Variants in PLXDC2 observed in about 807,000 individuals in gnomAD.
The protein encoded by PLXDC2 is plexin domain-containing protein 2.
Under a neutral mutation model 68.9 loss-of-function variants are expected in PLXDC2, and 40 were observed. The observed-to-expected ratio is 0.58, with a 90% confidence interval of 0.45 to 0.76. The LOEUF is 0.76. Ranked by LOEUF, PLXDC2 falls within the 30% of genes least tolerant of loss-of-function variation. The probability of loss-of-function intolerance (pLI) is 0.00; values close to 1 mark genes in which losing one functional copy is unlikely to be tolerated. For missense variants in PLXDC2, 644 were observed against 661.9 expected (o/e 0.97, Z 0.30); for synonymous variants, 243 against 234.2 (o/e 1.04, Z -0.34).
chr10:20,012,068 G>C (rs980571467), intron 2 of PLXDC2, among the ~76,000 whole-genome samples: 2 of 152,024 alleles, frequency 1.3e-5, no homozygotes, highest in Non-Finnish European at 2.9e-5. Context: ...GTCAAATATT[G>C]TGACTTAGAT....
At chr10:20,128,263 C>A (rs1833819036) in intron 4 of PLXDC2, among the ~76,000 whole-genome samples, 3 of 152,168 alleles carry the variant, frequency 2.0e-5, no homozygotes, top group Non-Finnish European at 2.9e-5. Flanking sequence ...ATCTCCATAT[C>A]TTTAGTCTAG....
chr10:20,243,844 A>G (rs1008479652), intron 12 of PLXDC2, among the ~76,000 whole-genome samples: 1 of 152,176 alleles, frequency 6.6e-6, no homozygotes, highest in Non-Finnish European at 1.5e-5. Flanking sequence ...GAATCACTTG[A>G]GGTCAGGTAT....
chr10:20,174,238 G>A (rs1456373053), intron 7 of PLXDC2, among the ~76,000 whole-genome samples: 3 of 151,908 alleles, frequency 2.0e-5, no homozygotes, highest in African/African-American at 7.3e-5. Context: ...ACATGGGAAA[G>A]CAATACGTAG....
chr10:20,275,961 G>GTT (rs11393092), intron 13 of PLXDC2, among the ~76,000 whole-genome samples: 2 of 151,708 alleles, frequency 1.3e-5, no homozygotes, highest in South Asian at 2.1e-4. Context: ...GGAAGGGTAG[G>GTT]TTTTTTTGAA....
At chr10:20,277,979 A>G (rs746410332) in intron 13 of PLXDC2, among the ~76,000 whole-genome samples, 8 of 152,186 alleles carry the variant, frequency 5.3e-5, no homozygotes, top group Non-Finnish European at 1.0e-4. Context: ...TTCACTTAAG[A>G]TAATGATCTC....
chr10:19,897,566 G>A (rs968778617), intron 1 of PLXDC2, among the ~76,000 whole-genome samples: 1 of 152,104 alleles, frequency 6.6e-6, no homozygotes, highest in African/African-American at 2.4e-5. Context: ...TTAGTCAAGA[G>A]GGAATTAGGA....
intron 6 of PLXDC2, among the ~76,000 whole-genome samples, chr10:20,154,421 G>C (rs1391323615): frequency 6.6e-6 from 1 of 151,972 alleles, no homozygotes; most frequent in Admixed American, 6.6e-5. Flanking sequence ...AAAATTAGCT[G>C]GGCATGGTGG....
intron 1 of PLXDC2, among the ~76,000 whole-genome samples, chr10:19,925,646 A>C (rs1224041326): frequency 6.6e-6 from 1 of 152,120 alleles, no homozygotes. Flanking sequence ...ATTGGTTGTG[A>C]GAGTAGACTC....
chr10:19,861,122 C>T (rs1031326398), intron 1 of PLXDC2, among the ~76,000 whole-genome samples: 1 of 151,690 alleles, frequency 6.6e-6, no homozygotes, highest in Non-Finnish European at 1.5e-5. Flanking sequence ...GCAACCTCTG[C>T]CTCCCGGGTT....
At chr10:20,226,076 C>G (rs368919103) in intron 12 of PLXDC2, among the ~76,000 whole-genome samples, 120 of 152,258 alleles carry the variant, frequency 7.9e-4, no homozygotes, top group African/African-American at 2.8e-3. Context: ...AGAAGAATAA[C>G]GTATTTTACT....
intron 1 of PLXDC2, among the ~76,000 whole-genome samples, chr10:19,955,074 A>ATTTT (rs750051734): frequency 3.7e-4 from 37 of 99,278 alleles, no homozygotes; most frequent in African/African-American, 9.3e-4. Flanking sequence ...CCTTTCACTG[A>ATTTT]TTTTTTTTTT....
rs542267885 is a variant in PLXDC2 at position 20,285,187 on chromosome 10, C to A, written c.*5368C>A. 6.6e-6 allele frequency: 1 copy of A among 152,050 alleles called. No individual in the cohort carries two copies. Among genetic ancestry groups the A allele is most frequent in the Non-Finnish European group, 1.5e-5 (1 of 68,028 alleles). 9.4% of individuals were successfully genotyped at this position (152,050 alleles called of 1,614,324 possible). ...TATAAGGTTTTTTGGGCAGATAATG[C>A]GAGGTCTGTGGTGTTACCTTTTATA... On this transcript the variant is annotated 3_prime_UTR_variant, in exon 14 of 14. Transcript: ENST00000377252.
In PLXDC2 at chr10:20,283,191, G is replaced by A. The variant is rs917511175; in HGVS notation, c.*3372G>A. The A allele has an allele frequency of 3.3e-4, 50 of 152,134 alleles. No homozygotes were observed. Among genetic ancestry groups the A allele is most frequent in the African/African-American group, 1.2e-3 (49 of 41,436 alleles). 9.4% of individuals were successfully genotyped at this position (152,134 alleles called of 1,614,324 possible). On this transcript the variant is annotated 3_prime_UTR_variant, in exon 14 of 14. Transcript: ENST00000377252. ...TCCAAGCATTTTTGATTTTAGAGAG[G>A]CCCTATGGAGTAATGAAAAAAATAC... is the stretch of plus-strand genomic sequence containing the variant.
At chr10:19,976,205 TG>T (rs1834452205) in intron 1 of PLXDC2, among the ~76,000 whole-genome samples, 1 of 152,068 alleles carries the variant, frequency 6.6e-6, no homozygotes, top group East Asian at 1.9e-4. Context: ...TTTTGTTGTT[TG>T]TTTTTTTGTT....
chr10:19,911,662 T>G (rs546069998), intron 1 of PLXDC2, among the ~76,000 whole-genome samples: 22 of 152,196 alleles, frequency 1.4e-4, no homozygotes, highest in African/African-American at 5.3e-4. Flanking sequence ...TGAAATAACC[T>G]CCCCATTGAA....
At chr10:20,279,556 T>C (rs1836053570) in intron 13 of PLXDC2, 147 bp from the exon 14 acceptor site, 3 of 667,998 alleles carry the variant, frequency 4.5e-6, no homozygotes, top group Non-Finnish European at 7.7e-6. Flanking sequence ...TAAGGGGAAT[T>C]CTTAATTCTG....
At chr10:20,101,169 G>T (rs564451976) in intron 4 of PLXDC2, among the ~76,000 whole-genome samples, 1 of 152,268 alleles carries the variant, frequency 6.6e-6, no homozygotes, top group South Asian at 2.1e-4. Context: ...TGATGTGTGA[G>T]TATAAAGATT....
intron 2 of PLXDC2, among the ~76,000 whole-genome samples, chr10:20,011,474 G>A (rs1835114091): frequency 6.6e-6 from 1 of 152,198 alleles, no homozygotes; most frequent in Non-Finnish European, 1.5e-5. Flanking sequence ...TCATCCACCA[G>A]CGCCTAGATT....
At chr10:20,279,369 A>G (rs1341750360) in intron 13 of PLXDC2, among the ~76,000 whole-genome samples, 1 of 152,088 alleles carries the variant, frequency 6.6e-6, no homozygotes, top group Non-Finnish European at 1.5e-5. Context: ...AATATTTTCT[A>G]TTACAGTTCC....
Sources: gnomAD v4.1 joint callset for allele counts (sites outside exome capture counted in the v4.1 genomes callset) on GRCh38, gnomAD v4.1.1 for gene constraint, MANE v1.5 for transcripts, NCBI Gene and HGNC (gene_info 2026-07-23, HGNC 2026-07-21) for gene names.